RBFOX1: variants seen among roughly 807,000 people sequenced by gnomAD.
RBFOX1 encodes the protein RNA binding protein fox-1 homolog 1.
Under a neutral mutation model 57.7 loss-of-function variants are expected in RBFOX1, and 8 were observed. That is an observed-to-expected ratio of 0.14 (90% CI 0.08 to 0.25). RBFOX1 has a LOEUF of 0.25. Ranked by LOEUF, RBFOX1 falls within the 10% of genes least tolerant of loss-of-function variation. RBFOX1 has a pLI of 1.00. For missense variants in RBFOX1, 611 were observed against 548.5 expected, an observed-to-expected ratio of 1.11 and a Z score of -1.14; for synonymous variants, 326 against 222.4, an observed-to-expected ratio of 1.47 and a Z score of -4.15.
At chr16:7,187,355 G>T (rs934548853) in intron 4 of RBFOX1, among the ~76,000 whole-genome samples, 4 of 151,984 alleles carry the variant, frequency 2.6e-5, no homozygotes, top group Non-Finnish European at 5.9e-5. Context: ...AAAAAATTGT[G>T]TGAAGTCTTA....
intron 3 of RBFOX1, among the ~76,000 whole-genome samples, chr16:6,882,371 C>G (rs182792814): frequency 1.3e-4 from 20 of 152,176 alleles, no homozygotes; most frequent in Admixed American, 3.9e-4. Flanking sequence ...AGTTTAGTCA[C>G]CTAACCTCTC....
intron 4 of RBFOX1, among the ~76,000 whole-genome samples, chr16:7,096,533 T>G (rs1299495417): frequency 6.6e-6 from 1 of 152,152 alleles, no homozygotes; most frequent in Non-Finnish European, 1.5e-5. Context: ...TTCTTGCACC[T>G]GGATTGAATT....
intron 2 of RBFOX1, among the ~76,000 whole-genome samples, chr16:5,547,767 C>A (rs913693322): frequency 6.6e-6 from 1 of 152,202 alleles, no homozygotes; most frequent in Admixed American, 6.5e-5. Flanking sequence ...CAACTGGAGG[C>A]CATTATCCTA....
chr16:7,404,488 G>A (rs1418798702), intron 4 of RBFOX1, among the ~76,000 whole-genome samples: 1 of 152,176 alleles, frequency 6.6e-6, no homozygotes, highest in East Asian at 1.9e-4. Context: ...GGCAGGCACT[G>A]CGTGAAGCAC....
chr16:7,281,678 T>C (rs2095546694), intron 4 of RBFOX1, among the ~76,000 whole-genome samples: 1 of 152,040 alleles, frequency 6.6e-6, no homozygotes. Flanking sequence ...CTGAGAGCAA[T>C]ATGCAAATCA....
At chr16:6,878,540 G>A (rs1292596047) in intron 3 of RBFOX1, among the ~76,000 whole-genome samples, 5 of 152,126 alleles carry the variant, frequency 3.3e-5, no homozygotes, top group African/African-American at 1.2e-4. Context: ...TTTAGATTTT[G>A]GAGTCATTTG....
At chr16:6,525,132 C>G (rs1372129552) in intron 2 of RBFOX1, among the ~76,000 whole-genome samples, 4 of 152,112 alleles carry the variant, frequency 2.6e-5, no homozygotes, top group African/African-American at 4.8e-5. Context: ...TTTGGTCAAC[C>G]TGTATTTATT....
intron 3 of RBFOX1, among the ~76,000 whole-genome samples, chr16:5,785,503 C>A (rs901611173): frequency 6.6e-6 from 1 of 151,856 alleles, no homozygotes; most frequent in Non-Finnish European, 1.5e-5. Flanking sequence ...TCTTCAATTT[C>A]TTTTCTTTTT....
intron 4 of RBFOX1, among the ~76,000 whole-genome samples, chr16:7,447,695 G>A (rs897821171): frequency 6.6e-6 from 1 of 151,572 alleles, no homozygotes; most frequent in African/African-American, 2.4e-5. Context: ...GCCTCTGTTG[G>A]CCTAGTCTCT....
In RBFOX1 at chr16:5,266,548, G is replaced by GT. The variant is rs3035524; in HGVS notation, c.219+26460dup. On this transcript the variant is annotated intron_variant, in intron 1 of 2. Transcript: ENST00000585867. ...GGTGTTGGTAATATGGAAATGTTCA[G>GT]TTTTTTTTTTTTTTTTTGAGGCAGG... is the stretch of plus-strand genomic sequence containing the variant. Among the ~76,000 whole-genome samples, 883 of 127,972 alleles carry GT rather than the reference G, an allele frequency of 6.9e-3. 46 individuals carry two copies. The highest frequency in any genetic ancestry group is 0.022 in the African/African-American group (745 of 33,120). The allele number at this position is 127,972 out of a possible 152,430, so 84.0% of individuals were successfully genotyped here. A position where few individuals can be genotyped will look rare whatever the true frequency, so the allele number is the denominator to read the frequency against.
chr16:7,547,185 T>C (rs1023542915), intron 5 of RBFOX1, among the ~76,000 whole-genome samples: 3 of 152,178 alleles, frequency 2.0e-5, no homozygotes, highest in African/African-American at 4.8e-5. Flanking sequence ...AATACTTTCT[T>C]ATAAGGCCAT....
intron 2 of RBFOX1, among the ~76,000 whole-genome samples, chr16:5,501,813 A>C (rs1482882636): frequency 6.6e-6 from 1 of 152,110 alleles, no homozygotes; most frequent in Non-Finnish European, 1.5e-5. Flanking sequence ...TCCTGGGCTC[A>C]AGTGATTCTC....
intron 2 of RBFOX1, among the ~76,000 whole-genome samples, chr16:6,621,652 A>C (rs2098233889): frequency 6.6e-6 from 1 of 152,224 alleles, no homozygotes; most frequent in Admixed American, 6.5e-5. Flanking sequence ...AATTGACTAC[A>C]CATATTACTG....
At chr16:6,460,510 G>A (rs55865909) in intron 2 of RBFOX1, among the ~76,000 whole-genome samples, 19,967 of 151,216 alleles carry the variant, frequency 0.13, 2,081 homozygotes, top group East Asian at 0.46. Context: ...CAACATCAGC[G>A]ATCATTAGAG....
At chr16:6,952,021 T>C (rs1342878275) in intron 3 of RBFOX1, among the ~76,000 whole-genome samples, 1 of 152,180 alleles carries the variant, frequency 6.6e-6, no homozygotes, top group Non-Finnish European at 1.5e-5. Context: ...GGAAAGATAA[T>C]TGTGGCCACT....
chr16:7,473,402 A>T (rs143171083), intron 4 of RBFOX1, among the ~76,000 whole-genome samples: 1 of 148,034 alleles, frequency 6.8e-6, no homozygotes, highest in South Asian at 2.1e-4. Flanking sequence ...ATATATATTT[A>T]TATATAATGT....
chr16:5,514,283 G>A (rs2043710515), intron 2 of RBFOX1, among the ~76,000 whole-genome samples: 1 of 152,208 alleles, frequency 6.6e-6, no homozygotes, highest in South Asian at 2.1e-4. Context: ...GTGTGGCTCT[G>A]TCGCCATGTC....
At chr16:5,638,865 C>T (rs766558926) in intron 3 of RBFOX1, among the ~76,000 whole-genome samples, 14 of 152,114 alleles carry the variant, frequency 9.2e-5, no homozygotes, top group Non-Finnish European at 1.9e-4. Flanking sequence ...ACTTGTGGTT[C>T]CTCTGTGTGA....
intron 3 of RBFOX1, among the ~76,000 whole-genome samples, chr16:5,823,153 T>C (rs572684090): frequency 6.6e-6 from 1 of 152,182 alleles, no homozygotes; most frequent in Non-Finnish European, 1.5e-5. Context: ...CCTGGAGGAC[T>C]GTGAGAGTCC....
Sources: gnomAD v4.1 joint callset for allele counts (sites outside exome capture counted in the v4.1 genomes callset) on GRCh38, gnomAD v4.1.1 for gene constraint, MANE v1.5 for transcripts, NCBI Gene and HGNC (gene_info 2026-07-23, HGNC 2026-07-21) for gene names.